Variants in OSBPL6 observed in about 807,000 individuals in gnomAD.
OSBPL6 encodes the protein oxysterol binding protein like 6.
OSBPL6 carries 49 observed loss-of-function variants against 125.8 expected under a neutral mutation model. The ratio of observed to expected loss-of-function variants is 0.39; its 90% confidence interval spans 0.31 to 0.49. The LOEUF is 0.49. Ranked by LOEUF, OSBPL6 falls within the 20% of genes least tolerant of loss-of-function variation. The pLI, the probability that OSBPL6 is intolerant of heterozygous loss-of-function variation, is 0.88. For synonymous variants in OSBPL6, 394 were observed against 391.8 expected, an observed-to-expected ratio of 1.01 and a Z score of -0.07; for missense variants, 986 against 1,135.4, an observed-to-expected ratio of 0.87 and a Z score of 1.89.
intron 11 of OSBPL6, among the ~76,000 whole-genome samples, chr2:178,346,622 G>T (rs1181271084): frequency 1.3e-5 from 2 of 152,042 alleles, no homozygotes; most frequent in African/African-American, 4.8e-5. Context: ...AGTGTTGAGG[G>T]TTCTCAGGTA....
At chr2:178,350,509 A>G (rs1691152615) in intron 12 of OSBPL6, among the ~76,000 whole-genome samples, 1 of 152,238 alleles carries the variant, frequency 6.6e-6, no homozygotes, top group Non-Finnish European at 1.5e-5. Flanking sequence ...GAATCAGCCA[A>G]CATTTGCAAT....
In OSBPL6 at chr2:178,387,135, C is replaced by T. The variant is rs753135359; in HGVS notation, c.2152C>T (p.Pro718Ser). Residue 718 changes from proline (P) to serine (S), a missense_variant, in exon 20 of 25, where the codon CCA becomes TCA. This residue lies in a region of OSBPL6 where 843 missense variants were observed against 997.3 expected (regional missense o/e 0.85). Transcript: ENST00000190611. ...LPVGTLNVML[P>S]KYGDYYVWNK... is the part of the protein sequence containing the mutation. ...TGTTGGAACACTGAATGTCATGCTTCCAAAGTAGGTGACTCACACCTCCCT... is the reference window on the plus strand; with the variant it reads ...TGTTGGAACACTGAATGTCATGCTTTCAAAGTAGGTGACTCACACCTCCCT... 20 of 1,608,312 alleles carry T rather than the reference C, an allele frequency of 1.2e-5. No homozygotes were observed. Among genetic ancestry groups the T allele is most frequent in the Non-Finnish European group, 1.7e-5 (20 of 1,175,228 alleles).
At chr2:178,379,235 GAA>G (rs1463177954) in intron 15 of OSBPL6, among the ~76,000 whole-genome samples, 8 of 148,210 alleles carry the variant, frequency 5.4e-5, no homozygotes, top group East Asian at 2.0e-4. Context: ...AAAGAAGAAA[GAA>G]AGAGAGAGAG....
chr2:178,200,247 CTT>C (rs767677596), intron 1 of OSBPL6, among the ~76,000 whole-genome samples: 6 of 109,730 alleles, frequency 5.5e-5, no homozygotes, highest in African/African-American at 1.5e-4. Context: ...TTCTTCAGAC[CTT>C]TTTTTTTTTT....
At chr2:178,195,679 AACCC>A (rs1250040216) in intron 1 of OSBPL6, among the ~76,000 whole-genome samples, 1 of 152,234 alleles carries the variant, frequency 6.6e-6, no homozygotes, top group Non-Finnish European at 1.5e-5. Flanking sequence ...AAACTAAGTG[AACCC>A]ACTGGGTTGC....
At chr2:178,330,468 A>T (rs1020412442) in intron 5 of OSBPL6, among the ~76,000 whole-genome samples, 1 of 152,202 alleles carries the variant, frequency 6.6e-6, no homozygotes, top group Non-Finnish European at 1.5e-5. Context: ...GTTAAGGGCA[A>T]CTGATTTTAA....
At chr2:178,329,990 C>T (rs1689055846) in intron 5 of OSBPL6, among the ~76,000 whole-genome samples, 1 of 152,328 alleles carries the variant, frequency 6.6e-6, no homozygotes, top group Non-Finnish European at 1.5e-5. Flanking sequence ...AAAGTGCCTT[C>T]TTCCTTGTCA....
chr2:178,286,261 C>CTG (rs1684687507), intron 2 of OSBPL6, among the ~76,000 whole-genome samples: 1 of 152,154 alleles, frequency 6.6e-6, no homozygotes, highest in Admixed American at 6.5e-5. Flanking sequence ...ATCCTAGTAA[C>CTG]TGTACTTTGC....
rs900795536 is a variant in OSBPL6, at chr2:178,336,500, T to C, written c.790+67T>C. On this transcript the variant is annotated intron_variant, in intron 9 of 24. Transcript: ENST00000190611. The stretch of plus-strand genomic sequence containing the variant: ...AAACAAGAAACAAAACCCGAAGAGG[T>C]CAATTATGAGTGCTACATCTTTTAC... 1.9e-6 allele frequency: 3 copies of C among 1,568,414 alleles called. No homozygotes were observed. In the Admixed American group the frequency reaches 5.3e-5, roughly 28 times the overall value.
intron 3 of OSBPL6, among the ~76,000 whole-genome samples, chr2:178,323,092 T>G (rs2154071892): frequency 6.6e-6 from 1 of 152,320 alleles, no homozygotes; most frequent in South Asian, 2.1e-4. Flanking sequence ...TAATTTAGGT[T>G]AAGGCATGTA....
At chr2:178,337,851 A>G (rs1436644107) in intron 9 of OSBPL6, among the ~76,000 whole-genome samples, 2 of 152,170 alleles carry the variant, frequency 1.3e-5, no homozygotes, top group Non-Finnish European at 2.9e-5. Context: ...ACAATCACAA[A>G]TATTAGGGAG....
intron 11 of OSBPL6, among the ~76,000 whole-genome samples, chr2:178,343,480 T>C (rs1408718028): frequency 2.0e-5 from 3 of 152,098 alleles, no homozygotes; most frequent in Non-Finnish European, 4.4e-5. Flanking sequence ...AATATCATCA[T>C]CCCTTAATCC....
At chr2:178,266,288 A>G (rs987322095) in intron 1 of OSBPL6, among the ~76,000 whole-genome samples, 2 of 152,166 alleles carry the variant, frequency 1.3e-5, no homozygotes, top group African/African-American at 4.8e-5. Flanking sequence ...TTGTAGGATA[A>G]CACTAAGTGT....
At chr2:178,279,203 G>A (rs1683879504) in intron 1 of OSBPL6, among the ~76,000 whole-genome samples, 1 of 152,146 alleles carries the variant, frequency 6.6e-6, no homozygotes, top group Non-Finnish European at 1.5e-5. Flanking sequence ...AGCTACATGG[G>A]ACAATCTAAT....
chr2:178,369,078 T>G (rs1329098057), intron 13 of OSBPL6, among the ~76,000 whole-genome samples: 1 of 152,166 alleles, frequency 6.6e-6, no homozygotes, highest in Non-Finnish European at 1.5e-5. Flanking sequence ...GTTACAGACA[T>G]GAGCCACCAC....
At chr2:178,263,805 A>ATG (rs2092140235) in intron 1 of OSBPL6, among the ~76,000 whole-genome samples, 2 of 78,822 alleles carry the variant, frequency 2.5e-5, no homozygotes, top group African/African-American at 4.2e-5. Flanking sequence ...AACTGTGTAC[A>ATG]CGTGTGTGTG....
chr2:178,264,745 A>G (rs2092174274), intron 1 of OSBPL6, among the ~76,000 whole-genome samples: 1 of 152,188 alleles, frequency 6.6e-6, no homozygotes, highest in Admixed American at 6.5e-5. Flanking sequence ...ACTCAAGAGT[A>G]TTGTCAGTGT....
At chr2:178,320,459 ATTAAC>A in intron 3 of OSBPL6, 1 of 1,531,536 alleles carries the variant, frequency 6.5e-7, no homozygotes, top group Non-Finnish European at 8.9e-7. Context: ...TGACCTGGAA[ATTAAC>A]TTATAATTTT....
intron 1 of OSBPL6, among the ~76,000 whole-genome samples, chr2:178,260,739 C>T (rs1385269294): frequency 1.3e-5 from 2 of 152,182 alleles, no homozygotes; most frequent in African/African-American, 2.4e-5. Flanking sequence ...AACTCAAACT[C>T]GCTAATATGT....
Sources: gnomAD v4.1 joint callset for allele counts (sites outside exome capture counted in the v4.1 genomes callset) on GRCh38, gnomAD v4.1.1 for gene constraint, gnomAD v4.1.1 regional missense constraint, MANE v1.5 for transcripts, NCBI Gene and HGNC (gene_info 2026-07-23, HGNC 2026-07-21) for gene names.